Variants in WDR49 observed in about 807,000 individuals in gnomAD.
The protein encoded by WDR49 is WD repeat domain 49.
WDR49 carries 107 observed loss-of-function variants against 119.5 expected under a neutral mutation model. The observed-to-expected ratio is 0.90, with a 90% CI of 0.77 to 1.05. The LOEUF is 1.05. Among genes scored for constraint, WDR49 ranks in the 50% least tolerant of loss-of-function variants. The probability of loss-of-function intolerance (pLI) is 0.00; values close to 1 mark genes in which losing one functional copy is unlikely to be tolerated. For missense variants in WDR49, 1,240 were observed against 1,220.5 expected, an observed-to-expected ratio of 1.02 and a Z score of -0.24; for synonymous variants, 425 against 418.8, an observed-to-expected ratio of 1.01 and a Z score of -0.18.
At chr3:167,493,483 C>T (rs1751229629) in intron 18 of WDR49, among the ~76,000 whole-genome samples, 1 of 152,178 alleles carries the variant, frequency 6.6e-6, no homozygotes, top group South Asian at 2.1e-4. Flanking sequence ...TTTCTGGTAA[C>T]TTCCACGTAC....
intron 5 of WDR49, among the ~76,000 whole-genome samples, chr3:167,612,336 G>T (rs1325907036): frequency 6.6e-6 from 1 of 151,740 alleles, no homozygotes; most frequent in Non-Finnish European, 1.5e-5. Flanking sequence ...GCAGTACTAA[G>T]AGGGAAGTTT....
chr3:167,488,176 A>G (rs1343240333), intron 18 of WDR49, among the ~76,000 whole-genome samples: 1 of 151,380 alleles, frequency 6.6e-6, no homozygotes, highest in African/African-American at 2.4e-5. Flanking sequence ...ACACACACAC[A>G]CACACACACA....
chr3:167,629,689 T>C (rs1470235943), intron 2 of WDR49, among the ~76,000 whole-genome samples: 1 of 152,120 alleles, frequency 6.6e-6, no homozygotes, highest in Non-Finnish European at 1.5e-5. Context: ...ATATTCATAA[T>C]TCATGGGAGG....
chr3:167,624,099 T>G (rs1300246520), intron 3 of WDR49, among the ~76,000 whole-genome samples: 1 of 151,922 alleles, frequency 6.6e-6, no homozygotes, highest in African/African-American at 2.4e-5. Context: ...CAAAAGAAGA[T>G]GTACAGGTAG....
chr3:167,653,321 T>C lies in WDR49; in HGVS notation c.105A>G (p.Thr35=). ...EGVTAFEDYG[T]GLLENQLSVG... ...CGCTGAGTTGGTTTTCAAGCAGGCC[T>C]GTGCCATAGTCTTCAAATGCAGTTA... The change falls in exon 2 of 19, where the codon ACA becomes ACG. Residue 35 remains threonine, a synonymous_variant. Transcript: ENST00000682715. 1.3e-6 allele frequency: 2 copies of C among 1,536,222 alleles called. No individual in the cohort carries two copies. Among genetic ancestry groups the C allele is most frequent in the Non-Finnish European group, 1.7e-6 (2 of 1,146,920 alleles).
chr3:167,562,009 T>C lies in WDR49; in HGVS notation c.1510-1781A>G, dbSNP rs182207214. ...ATTTGAAGGGACAAATATGGTGGGA[T>C]ATCAAATGAGTAGGCAAGCTGAAGA... On this transcript the variant is annotated intron_variant, in intron 8 of 18. Transcript: ENST00000682715. 2.0e-5 allele frequency among the ~76,000 whole-genome samples: 3 copies of C among 152,056 alleles called. No individual in the cohort carries two copies. In the East Asian group the frequency reaches 5.9e-4, roughly 30 times the overall value.
intron 2 of WDR49, among the ~76,000 whole-genome samples, chr3:167,640,713 A>G (rs964089619): frequency 1.7e-4 from 26 of 151,902 alleles, no homozygotes. Context: ...AAGCTGCTGT[A>G]AAAAAGAGGA....
At chr3:167,565,380 T>TAC (rs112641739) in intron 8 of WDR49, among the ~76,000 whole-genome samples, 70,177 of 128,662 alleles carry the variant, frequency 0.55, 17,762 homozygotes, top group East Asian at 0.64. Flanking sequence ...CATATCTATC[T>TAC]ACACACACAC....
intron 7 of WDR49, among the ~76,000 whole-genome samples, chr3:167,579,175 C>A (rs773824208): frequency 6.6e-6 from 1 of 151,958 alleles, no homozygotes. Flanking sequence ...CCTCACCATG[C>A]CTTTATAAAT....
chr3:167,579,771 T>G (rs1012888306), intron 7 of WDR49, among the ~76,000 whole-genome samples: 3 of 152,172 alleles, frequency 2.0e-5, no homozygotes, highest in Non-Finnish European at 4.4e-5. Context: ...AAGCTTTTAT[T>G]TTGAATGTTA....
At chr3:167,655,943 A>G (rs1295739921), upstream of WDR49, among the ~76,000 whole-genome samples, 1 of 151,798 alleles carries the variant, frequency 6.6e-6, no homozygotes, top group Non-Finnish European at 1.5e-5. Flanking sequence ...ATATATGCCT[A>G]ATATATGTCA....
intron 5 of WDR49, among the ~76,000 whole-genome samples, chr3:167,614,487 C>A (rs566174846): frequency 2.0e-5 from 3 of 152,270 alleles, no homozygotes; most frequent in African/African-American, 4.8e-5. Context: ...AAGGAAAATT[C>A]TCTGAAATTC....
At chr3:167,641,135 AG>A (rs1251801463) in intron 2 of WDR49, among the ~76,000 whole-genome samples, 4 of 151,878 alleles carry the variant, frequency 2.6e-5, no homozygotes, top group Non-Finnish European at 4.4e-5. Flanking sequence ...AAATTTGGAA[AG>A]GGCTTTGGAT....
intron 16 of WDR49, among the ~76,000 whole-genome samples, chr3:167,513,204 A>G (rs1752054613): frequency 6.6e-6 from 1 of 152,186 alleles, no homozygotes; most frequent in African/African-American, 2.4e-5. Context: ...AGCCAGAGAG[A>G]AAGGCCAAGT....
chr3:167,644,035 A>G (rs1718004610), intron 2 of WDR49, among the ~76,000 whole-genome samples: 1 of 150,320 alleles, frequency 6.7e-6, no homozygotes, highest in Non-Finnish European at 1.5e-5. Context: ...ATAGAAAATG[A>G]CAAATTCCCC....
chr3:167,541,635 A>AAAC (rs1411443401), intron 10 of WDR49, among the ~76,000 whole-genome samples: 1 of 152,060 alleles, frequency 6.6e-6, no homozygotes, highest in African/African-American at 2.4e-5. Flanking sequence ...CACAGTGGAA[A>AAAC]AACAACAACA....
chr3:167,488,764 C>G (rs1577192060), intron 18 of WDR49, among the ~76,000 whole-genome samples: 1 of 152,038 alleles, frequency 6.6e-6, no homozygotes, highest in Non-Finnish European at 1.5e-5. Flanking sequence ...TATACTTAAA[C>G]CAAATTTTTT....
intron 18 of WDR49, among the ~76,000 whole-genome samples, chr3:167,484,885 T>C (rs1456945018): frequency 1.3e-5 from 2 of 152,000 alleles, no homozygotes; most frequent in African/African-American, 4.8e-5. Context: ...TATAAAGACA[T>C]ATGCACACGT....
chr3:167,552,480 C>T (rs1712633408), intron 10 of WDR49, among the ~76,000 whole-genome samples: 1 of 152,038 alleles, frequency 6.6e-6, no homozygotes, highest in Admixed American at 6.6e-5. Context: ...TTAGTGACTT[C>T]TTGTTGTGTG....
Sources: allele counts gnomAD v4.1 joint callset (sites outside exome capture counted in the v4.1 genomes callset), GRCh38; gene constraint gnomAD v4.1.1; transcripts MANE v1.5; gene names NCBI Gene and HGNC (gene_info 2026-07-23, HGNC 2026-07-21).